TNR: variants seen among roughly 807,000 people sequenced by gnomAD.
TNR encodes tenascin-R.
A neutral mutation model predicts 150.4 loss-of-function variants in TNR; 45 were observed. The observed-to-expected ratio is 0.30, with a 90% confidence interval of 0.24 to 0.38. TNR has a LOEUF of 0.38. TNR is among the 10% of genes least tolerant of loss of function. The pLI is 1.00. For synonymous variants in TNR, 687 were observed against 678.4 expected (o/e 1.01, Z -0.20); for missense variants, 1,544 against 1,759.1 (o/e 0.88, Z 2.19).
chr1:175,421,069 G>A (rs1359168276), intron 2 of TNR, among the ~76,000 whole-genome samples: 1 of 152,094 alleles, frequency 6.6e-6, no homozygotes, highest in Non-Finnish European at 1.5e-5. Context: ...TGAGCAGCTA[G>A]CTGAGGTGGG....
intron 2 of TNR, among the ~76,000 whole-genome samples, chr1:175,484,012 T>C (rs977994434): frequency 2.0e-5 from 3 of 152,334 alleles, no homozygotes; most frequent in Middle Eastern, 3.4e-3. Context: ...CCCGCTGCAC[T>C]GTGAGCTCCT....
intron 18 of TNR, among the ~76,000 whole-genome samples, chr1:175,351,081 C>T (rs1248883800): frequency 6.6e-6 from 1 of 152,196 alleles, no homozygotes; most frequent in Non-Finnish European, 1.5e-5. Flanking sequence ...GGGAGGCTTC[C>T]AGTGTTTCTC....
intron 1 of TNR, among the ~76,000 whole-genome samples, chr1:175,545,886 G>A (rs1227022256): frequency 2.0e-5 from 3 of 152,242 alleles, no homozygotes; most frequent in African/African-American, 7.2e-5. Flanking sequence ...GGCCTGGGAA[G>A]AGGATATGCC....
intron 1 of TNR, among the ~76,000 whole-genome samples, chr1:175,555,319 A>G (rs1465148205): frequency 6.6e-6 from 1 of 152,058 alleles, no homozygotes; most frequent in East Asian, 1.9e-4. Context: ...AACTCCAGTT[A>G]CTCCTTTAGA....
intron 1 of TNR, among the ~76,000 whole-genome samples, chr1:175,740,438 CA>C (rs55948258): frequency 1.7e-4 from 26 of 150,216 alleles, no homozygotes; most frequent in African/African-American, 5.1e-4. Context: ...TTTTTTTCAA[CA>C]AAAAAAAAGT....
chr1:175,647,137 C>T (rs1266063307), intron 1 of TNR, among the ~76,000 whole-genome samples: 2 of 152,248 alleles, frequency 1.3e-5, no homozygotes, highest in Non-Finnish European at 2.9e-5. Context: ...TAATATTTTA[C>T]AGCATCCTCC....
intron 2 of TNR, among the ~76,000 whole-genome samples, chr1:175,504,880 TAGA>T (rs1158896651): frequency 6.6e-5 from 10 of 152,098 alleles, no homozygotes; most frequent in African/African-American, 2.4e-4. Context: ...CTGGTGTCCT[TAGA>T]AGAAGAAGAA....
At position 175,362,826 on chromosome 1, in the gene TNR, T is replaced by A. The variant is rs765667327; in HGVS notation, c.2708-17A>T. 8 of 1,613,374 alleles carry A rather than the reference T, an allele frequency of 5.0e-6. No homozygotes were observed. In the Admixed American group the frequency reaches 8.3e-5, roughly 17 times the overall value. On this transcript the variant is annotated splice_polypyrimidine_tract_variant and intron_variant, in intron 13 of 22. Transcript: ENST00000367674. ...GTCGTCCCACTGGAGAAGAGAAGAA[T>A]CTACAGTTAAAATTCAGCAGCCCTT...
At chr1:175,331,157 T>TTTC (rs1649879287) in intron 20 of TNR, among the ~76,000 whole-genome samples, 1 of 109,784 alleles carries the variant, frequency 9.1e-6, no homozygotes, top group African/African-American at 3.6e-5. Flanking sequence ...CTTTCTTTCT[T>TTTC]TTTCTTTCCT....
intron 1 of TNR, among the ~76,000 whole-genome samples, chr1:175,608,353 A>G (rs1028442331): frequency 2.0e-4 from 31 of 152,268 alleles, no homozygotes; most frequent in Non-Finnish European, 4.3e-4. Flanking sequence ...ACCAAACTGG[A>G]TTCCTTTAAA....
intron 2 of TNR, among the ~76,000 whole-genome samples, chr1:175,479,771 C>T (rs1253927476): frequency 9.2e-5 from 14 of 152,202 alleles, no homozygotes; most frequent in African/African-American, 3.4e-4. Flanking sequence ...CTCTGATATG[C>T]TTTGTGGCTA....
chr1:175,639,552 A>G (rs1664589127), intron 1 of TNR, among the ~76,000 whole-genome samples: 1 of 152,046 alleles, frequency 6.6e-6, no homozygotes, highest in Admixed American at 6.6e-5. Flanking sequence ...CCAACCCATG[A>G]ATCAACCACT....
chr1:175,361,776 C>T (rs937504416), intron 14 of TNR, among the ~76,000 whole-genome samples: 4 of 152,124 alleles, frequency 2.6e-5, no homozygotes, highest in South Asian at 2.1e-4. Flanking sequence ...GAGGTTTGGT[C>T]TAGGGTATGG....
At position 175,391,271 on chromosome 1, in the gene TNR, G is replaced by A. The variant is rs1346042295; in HGVS notation, c.1507+17C>T. The A allele has an allele frequency of 1.2e-6, 2 of 1,612,692 alleles. No individual in the cohort carries two copies. Among genetic ancestry groups the A allele is most frequent in the Non-Finnish European group, 1.7e-6 (2 of 1,179,670 alleles). The stretch of plus-strand genomic sequence containing the variant: ...ACCTAGTAGGCAGCTCTAGGGAGAA[G>A]GGTTGGAGGCACTCACCTGTGGAGA... On this transcript the variant is annotated intron_variant, in intron 7 of 22. Transcript: ENST00000367674.
At chr1:175,334,522 C>G (rs574027582) in intron 20 of TNR, among the ~76,000 whole-genome samples, 30 of 152,320 alleles carry the variant, frequency 2.0e-4, no homozygotes, top group Non-Finnish European at 3.7e-4. Flanking sequence ...CTATAGATAA[C>G]AGCACTATTG....
chr1:175,396,891 C>T, intron 4 of TNR, 84 bp from the exon 5 acceptor site: 1 of 1,516,062 alleles, frequency 6.6e-7, no homozygotes, highest in South Asian at 1.2e-5. Flanking sequence ...TCACATCTCA[C>T]CCCCCATGCC....
chr1:175,355,631 G>C lies in TNR; in HGVS notation c.3121C>G (p.Leu1041Val), dbSNP rs1259976238. ...GCTGTCAGGTTTGCCGGAGGGTCCA[G>C]GACTGCAAAGAGGAGAAAGTGCCAG... ...GTISTNFSTL[L>V]DPPANLTASE... The change falls in exon 17 of 23, where the codon CTG becomes GTG. Residue 1041 changes from leucine (L) to valine (V), a missense_variant and splice_region_variant. By Grantham distance (32) the Leu-to-Val change is conservative. Coordinates refer to ENST00000367674, the MANE Select transcript of TNR (RefSeq NM_003285.3). 6.2e-7 allele frequency: 1 copy of C among 1,613,870 alleles called. No homozygotes were observed. Among genetic ancestry groups the C allele is most frequent in the Non-Finnish European group, 8.5e-7 (1 of 1,179,838 alleles).
chr1:175,457,241 C>T (rs1396724522), intron 2 of TNR, among the ~76,000 whole-genome samples: 1 of 152,224 alleles, frequency 6.6e-6, no homozygotes, highest in African/African-American at 2.4e-5. Context: ...GGCTACTGGT[C>T]GGTTAGGGAG....
intron 18 of TNR, among the ~76,000 whole-genome samples, chr1:175,339,141 CAGAA>C (rs1366529208): frequency 6.6e-6 from 1 of 152,182 alleles, no homozygotes; most frequent in Non-Finnish European, 1.5e-5. Context: ...AAACTGCACT[CAGAA>C]AGATTACATG....
Sources: allele counts gnomAD v4.1 joint callset (sites outside exome capture counted in the v4.1 genomes callset), GRCh38; gene constraint gnomAD v4.1.1; transcripts MANE v1.5; gene names NCBI Gene and HGNC (gene_info 2026-07-23, HGNC 2026-07-21).